Variants in DHX33 observed in about 807,000 individuals in gnomAD.
DHX33 encodes DEAH-box helicase 33.
In DHX33, 42 loss-of-function variants were observed where a neutral mutation model predicts 72.5. The observed-to-expected ratio is 0.58, with a 90% CI of 0.45 to 0.75. The LOEUF is 0.75. DHX33 is among the 30% of genes least tolerant of loss of function. The probability of loss-of-function intolerance (pLI) is 0.00; values close to 1 mark genes in which losing one functional copy is unlikely to be tolerated. For missense variants in DHX33, 842 were observed against 917.5 expected, an observed-to-expected ratio of 0.92 and a Z score of 1.06; for synonymous variants, 358 against 366.1, an observed-to-expected ratio of 0.98 and a Z score of 0.25.
chr17:5,461,342 G>A (rs1261950370), intron 3 of DHX33: 7 of 298,874 alleles, frequency 2.3e-5, no homozygotes, highest in African/African-American at 4.4e-5. Flanking sequence ...CACCGGGCAC[G>A]GTGGCTCACG....
chr17:5,462,656 G>T, intron 2 of DHX33, 110 bp from the exon 3 acceptor site: 1 of 733,760 alleles, frequency 1.4e-6, no homozygotes, highest in Non-Finnish European at 2.4e-6. Flanking sequence ...CAACACCAAC[G>T]CTTCCCACTC....
intron 1 of DHX33, among the ~76,000 whole-genome samples, chr17:5,467,255 C>T (rs980386873): frequency 6.6e-6 from 1 of 152,184 alleles, no homozygotes; most frequent in Non-Finnish European, 1.5e-5. Flanking sequence ...AGATTTTTAA[C>T]TGACAGGATC....
At chr17:5,455,369 G>T in intron 5 of DHX33, 98 bp from the exon 6 acceptor site, 1 of 980,122 alleles carries the variant, frequency 1.0e-6, no homozygotes, top group Non-Finnish European at 1.6e-6. Flanking sequence ...ATTCACTCTT[G>T]ACCAACAGAA....
chr17:5,453,666 C>T lies in DHX33; in HGVS notation c.1310G>A (p.Cys437Tyr). 2 of 1,614,160 alleles carry T rather than the reference C, an allele frequency of 1.2e-6. No individual in the cohort carries two copies. The highest frequency in any genetic ancestry group is 1.7e-6 in the Non-Finnish European group (2 of 1,180,018). ...CTGAAGCATCACACTGGCCAGGTTA[C>T]ACCTGTGAAGAGCATGAGACCAGGG... Reference protein sequence around the residue: ...DKMTVPEIQRCNLASVMLQLL... With the variant: ...DKMTVPEIQRYNLASVMLQLL... The change falls in exon 8 of 12, where the codon TGT (cysteine) becomes TAT (tyrosine). Residue 437 changes from cysteine to tyrosine, a missense_variant and splice_region_variant. Transcript: ENST00000225296.
At position 5,453,878 on chromosome 17, in the gene DHX33, A is replaced by G. The variant is rs749389881; in HGVS notation, c.1250T>C (p.Leu417Pro). Residue 417 changes from leucine to proline, a missense_variant, in exon 7 of 12, where the codon CTC becomes CCC. Physicochemically the swap from Leu to Pro is moderately conservative, Grantham distance 98. Transcript: ENST00000225296. Reference sequence around the variant, plus strand: ...CTTCTCAAACTCGTCCTCCGTGTAGAGCCGGTAGCAGATGCCACTGTCCTC... The same window carrying G: ...CTTCTCAAACTCGTCCTCCGTGTAGGGCCGGTAGCAGATGCCACTGTCCTC... ...GREDSGICYRLYTEDEFEKFD... is the reference protein window; with the variant it reads ...GREDSGICYRPYTEDEFEKFD... 1.2e-6 allele frequency: 2 copies of G among 1,613,928 alleles called. No individual in the cohort carries two copies. The highest frequency in any genetic ancestry group is 8.5e-7 in the Non-Finnish European group (1 of 1,179,978).
At chr17:5,456,256 T>C in intron 4 of DHX33, 74 bp from the exon 5 acceptor site, 1 of 1,451,736 alleles carries the variant, frequency 6.9e-7, no homozygotes, top group South Asian at 1.2e-5. Flanking sequence ...CAATGGTGAT[T>C]GATGATGTTT....
chr17:5,467,518 A>C (rs1308732219), intron 1 of DHX33, among the ~76,000 whole-genome samples: 1 of 152,232 alleles, frequency 6.6e-6, no homozygotes, highest in Non-Finnish European at 1.5e-5. Context: ...CCTAATGGCT[A>C]AGGTCAGCAC....
intron 10 of DHX33, among the ~76,000 whole-genome samples, chr17:5,449,715 G>A (rs767457655): frequency 3.9e-5 from 6 of 152,358 alleles, no homozygotes; most frequent in East Asian, 3.9e-4. Flanking sequence ...GGGATTACAA[G>A]CTTGAGACAC....
intron 8 of DHX33, among the ~76,000 whole-genome samples, chr17:5,452,185 A>G (rs949415734): frequency 6.6e-6 from 1 of 152,146 alleles, no homozygotes; most frequent in Non-Finnish European, 1.5e-5. Context: ...AGAATTTAGC[A>G]ATGAAAGAAA....
Position 5,453,590 on chromosome 17 carries a change from C to A in DHX33, c.1386G>T (p.Lys462Asn). The A allele has an allele frequency of 1.2e-6, 2 of 1,614,172 alleles. No individual in the cohort carries two copies. The highest frequency in any genetic ancestry group is 1.7e-6 in the Non-Finnish European group (2 of 1,180,012). ...GTGGATTTCACTTACCTGGAGATGG[C>A]TTCGACATGAAGTCAAAGGTGAGCA... ...PNVLTFDFMS[K>N]PSPDHIQAAI... is the part of the protein sequence containing the mutation. Residue 462 changes from lysine to asparagine, a missense_variant, in exon 8 of 12, where the codon AAG becomes AAT. Coordinates refer to ENST00000225296, the MANE Select transcript of DHX33 (RefSeq NM_020162.4).
chr17:5,465,218 C>T (rs923594667), intron 1 of DHX33, among the ~76,000 whole-genome samples: 3 of 152,222 alleles, frequency 2.0e-5, no homozygotes, highest in Admixed American at 2.0e-4. Context: ...CACCAGGCCT[C>T]TCTGACTTCA....
rs1304869496 is a variant in DHX33, at chr17:5,443,664, G to C, written c.*541C>G. ...GTTTTCTATTTTAAAACTGCATTCAGAGAGACATTAAACAAGAACTAAGGG... is the reference window on the plus strand; with the variant it reads ...GTTTTCTATTTTAAAACTGCATTCACAGAGACATTAAACAAGAACTAAGGG... On this transcript the variant is annotated 3_prime_UTR_variant, in exon 12 of 12. Coordinates refer to ENST00000225296, the MANE Select transcript of DHX33 (RefSeq NM_020162.4). The C allele has an allele frequency of 6.5e-6, 1 of 152,820 alleles. No individual in the cohort carries two copies. The highest frequency in any genetic ancestry group is 1.5e-5 in the Non-Finnish European group (1 of 68,514). The allele number at this position is 152,820 out of a possible 1,614,324, so 9.5% of individuals were successfully genotyped here.
Position 5,450,871 on chromosome 17 carries a change from T to G in DHX33, c.1460A>C (p.Gln487Pro), listed in dbSNP as rs374333586. The change falls in exon 9 of 12, where the codon CAG becomes CCG. Residue 487 changes from glutamine to proline, a missense_variant. Transcript: ENST00000225296. ...TCTTCCCATTGGAGTCAGGGTAAGC[T>G]GGTCATCCTTATGTTCAAGAGCACC... ...LLGALEHKDDQLTLTPMGRKM... is the reference protein window; with the variant it reads ...LLGALEHKDDPLTLTPMGRKM... 1.2e-6 allele frequency: 2 copies of G among 1,614,204 alleles called. No individual in the cohort carries two copies.
intron 11 of DHX33, among the ~76,000 whole-genome samples, chr17:5,445,469 A>C (rs1490034862): frequency 2.0e-5 from 3 of 152,130 alleles, no homozygotes; most frequent in African/African-American, 7.2e-5. Flanking sequence ...CTGTGCCTTC[A>C]CATTTGCTAC....
At position 5,453,671 on chromosome 17, in the gene DHX33, G is replaced by A. The variant is rs1193665921; in HGVS notation, c.1308-3C>T. ...GCATCACACTGGCCAGGTTACACCT[G>A]TGAAGAGCATGAGACCAGGGTCATG... On this transcript the variant is annotated splice_region_variant and splice_polypyrimidine_tract_variant and intron_variant, in intron 7 of 11. Transcript: ENST00000225296. 6.2e-7 allele frequency: 1 copy of A among 1,614,040 alleles called. No homozygotes were observed. Among genetic ancestry groups the A allele is most frequent in the East Asian group, 2.2e-5 (1 of 44,892 alleles).
chr17:5,444,859 C>G lies in DHX33; in HGVS notation c.1816-346G>C, dbSNP rs996307834. Among the ~76,000 whole-genome samples, 1 of 152,166 alleles carries G rather than the reference C, an allele frequency of 6.6e-6. No individual in the cohort carries two copies. The highest frequency in any genetic ancestry group is 6.5e-5 in the Admixed American group (1 of 15,282). The stretch of plus-strand genomic sequence containing the variant: ...CCGGAAAGGAAAGGCCCTTCCCTCT[C>G]GCTTTGACCATCTCACCATCTCCTC... On this transcript the variant is annotated intron_variant, in intron 11 of 11. Coordinates refer to ENST00000225296, the MANE Select transcript of DHX33 (RefSeq NM_020162.4). The surrounding 1 kb of genome is among the most constrained non-coding windows in gnomAD (Gnocchi z 4.9).
intron 8 of DHX33, among the ~76,000 whole-genome samples, chr17:5,453,200 AC>A (rs1917026103): frequency 6.6e-6 from 1 of 152,152 alleles, no homozygotes; most frequent in East Asian, 1.9e-4. Context: ...AGGTCAAGGA[AC>A]TTTATTGATG....
Position 5,444,654 on chromosome 17 carries a change from G to A in DHX33, c.1816-141C>T, listed in dbSNP as rs1916576219. On this transcript the variant is annotated intron_variant, in intron 11 of 11. Coordinates refer to ENST00000225296, the MANE Select transcript of DHX33 (RefSeq NM_020162.4). The surrounding 1 kb of genome is among the most constrained non-coding windows in gnomAD (Gnocchi z 4.9). ...CCTAACGATGTGGATTCTGACATTC[G>A]GAGGTGGTCACCAAGGATCAGCAAG... 14 of 903,554 alleles carry A rather than the reference G, an allele frequency of 1.5e-5. No homozygotes were observed. The highest frequency in any genetic ancestry group is 2.7e-5 in the East Asian group (1 of 37,628). 56.0% of individuals were successfully genotyped at this position (903,554 alleles called of 1,614,324 possible). A position where few individuals can be genotyped will look rare whatever the true frequency, so the allele number is the denominator to read the frequency against.
chr17:5,461,606 CAA>C (rs564057463), intron 3 of DHX33, among the ~76,000 whole-genome samples: 8 of 137,338 alleles, frequency 5.8e-5, no homozygotes, highest in Non-Finnish European at 4.8e-5. Context: ...TAACAGAGTG[CAA>C]AAAAAAAAAA....
Sources: gnomAD v4.1 joint callset for allele counts (sites outside exome capture counted in the v4.1 genomes callset) on GRCh38, gnomAD v4.1.1 for gene constraint, Gnocchi (gnomAD v3.1) non-coding constraint, MANE v1.5 for transcripts, NCBI Gene and HGNC (gene_info 2026-07-23, HGNC 2026-07-21) for gene names.